Variants in IMMP2L observed in about 807,000 individuals in gnomAD.
IMMP2L encodes inner mitochondrial membrane peptidase subunit 2, also known as mitochondrial inner membrane protease subunit 2.
In IMMP2L, 18 loss-of-function variants were observed where a neutral mutation model predicts 19.3. That is an observed-to-expected ratio of 0.93 (90% CI 0.64 to 1.38). The LOEUF (loss-of-function observed/expected upper bound fraction) is 1.38. Ranked by LOEUF, IMMP2L falls within the 40% of genes most tolerant of loss-of-function variation. The pLI is 0.00. For missense variants in IMMP2L, 233 were observed against 218.2 expected (o/e 1.07, Z -0.43); for synonymous variants, 76 against 73.0 (o/e 1.04, Z -0.21).
intron 4 of IMMP2L, among the ~76,000 whole-genome samples, chr7:110,889,143 T>G (rs2129545819): frequency 6.6e-6 from 1 of 152,294 alleles, no homozygotes; most frequent in African/African-American, 2.4e-5. Context: ...GTCCCCAGCC[T>G]TTTAGGCAGT....
chr7:111,235,234 G>A (rs1814157391), intron 3 of IMMP2L, among the ~76,000 whole-genome samples: 1 of 152,060 alleles, frequency 6.6e-6, no homozygotes, highest in African/African-American at 2.4e-5. Context: ...CACTTTGGGA[G>A]GCTGAGGCAG....
chr7:111,253,651 G>A (rs1029237709), intron 3 of IMMP2L, among the ~76,000 whole-genome samples: 6 of 152,156 alleles, frequency 3.9e-5, no homozygotes, highest in African/African-American at 1.4e-4. Flanking sequence ...TAAGGTGTGT[G>A]TTGCAGAAAG....
chr7:110,957,442 C>T (rs1281777070), intron 4 of IMMP2L, among the ~76,000 whole-genome samples: 3 of 151,950 alleles, frequency 2.0e-5, no homozygotes, highest in Admixed American at 2.0e-4. Flanking sequence ...GAGAAAAACA[C>T]TTTGACCAGT....
intron 5 of IMMP2L, among the ~76,000 whole-genome samples, chr7:110,784,216 G>A (rs1403261273): frequency 2.0e-5 from 3 of 151,828 alleles, no homozygotes; most frequent in Non-Finnish European, 2.9e-5. Context: ...CAAAACCTAT[G>A]GACTTCTTCA....
chr7:111,328,845 A>G (rs1825597795), intron 3 of IMMP2L, among the ~76,000 whole-genome samples: 1 of 151,876 alleles, frequency 6.6e-6, no homozygotes, highest in African/African-American at 2.4e-5. Flanking sequence ...TCTCAGATAA[A>G]AAGACAGCAG....
intron 4 of IMMP2L, among the ~76,000 whole-genome samples, chr7:110,957,156 T>A (rs1818436703): frequency 1.3e-5 from 2 of 151,934 alleles, no homozygotes; most frequent in Admixed American, 1.3e-4. Flanking sequence ...TTTTAATCAA[T>A]GCTGACATCA....
chr7:111,108,442 A>G (rs1798795731), intron 3 of IMMP2L, among the ~76,000 whole-genome samples: 1 of 152,076 alleles, frequency 6.6e-6, no homozygotes, highest in Non-Finnish European at 1.5e-5. Context: ...TATATATTAT[A>G]CCCCCACTAC....
chr7:111,435,822 G>A (rs544128997), intron 3 of IMMP2L, among the ~76,000 whole-genome samples: 34 of 151,866 alleles, frequency 2.2e-4, no homozygotes, highest in African/African-American at 7.5e-4. Context: ...GATCCACCCC[G>A]GGCAACAGTT....
At chr7:111,383,965 T>C (rs1270983948) in intron 3 of IMMP2L, among the ~76,000 whole-genome samples, 13 of 152,078 alleles carry the variant, frequency 8.5e-5, no homozygotes, top group Admixed American at 8.5e-4. Flanking sequence ...ATTAAGCACT[T>C]GGTTATAATT....
chr7:111,148,413 G>A (rs1296948159), intron 3 of IMMP2L, among the ~76,000 whole-genome samples: 2 of 151,836 alleles, frequency 1.3e-5, no homozygotes, highest in Non-Finnish European at 2.9e-5. Context: ...TTGGGGATAA[G>A]GACAAATGTT....
rs543205272 is a variant in IMMP2L at position 111,444,078 on chromosome 7, T to C, written c.239+43160A>G. Among the ~76,000 whole-genome samples the C allele has an allele frequency of 2.6e-5, 4 of 152,280 alleles. No individual in the cohort carries two copies. In the South Asian group the frequency reaches 8.3e-4, roughly 32 times the overall value. ...AGTATCTTTAAATGTTGTGTTTCTA[T>C]TTTTAAAAAATCACTTTGTCACTTG... On this transcript the variant is annotated intron_variant, in intron 3 of 5. Coordinates refer to ENST00000405709, the MANE Select transcript of IMMP2L (RefSeq NM_032549.4).
chr7:110,983,987 T>C (rs1183128352), intron 3 of IMMP2L, among the ~76,000 whole-genome samples: 1 of 152,072 alleles, frequency 6.6e-6, no homozygotes, highest in African/African-American at 2.4e-5. Flanking sequence ...AGTCATTACA[T>C]GTCTGAGTAA....
rs28520723 is a variant in IMMP2L at position 111,131,950 on chromosome 7, A to C, written c.240-168385T>G. Among the ~76,000 whole-genome samples, 1,435 of 152,046 alleles carry C rather than the reference A, an allele frequency of 9.4e-3. 22 individuals carry two copies. Among genetic ancestry groups the C allele is most frequent in the African/African-American group, 0.032 (1,330 of 41,546 alleles). On this transcript the variant is annotated intron_variant, in intron 3 of 5. Transcript: ENST00000405709. The stretch of plus-strand genomic sequence containing the variant: ...ACTTTATAAGCATGCCATAACTCAC[A>C]ACAATAACTAATAGGTGATTTTTTG...
At chr7:111,051,616 A>G (rs1793014301) in intron 3 of IMMP2L, among the ~76,000 whole-genome samples, 1 of 152,214 alleles carries the variant, frequency 6.6e-6, no homozygotes, top group Admixed American at 6.5e-5. Context: ...ATATTTGAGA[A>G]ATGTCTACCT....
At chr7:111,530,799 G>A (rs1485736302) in intron 1 of IMMP2L, among the ~76,000 whole-genome samples, 1 of 151,642 alleles carries the variant, frequency 6.6e-6, no homozygotes, top group African/African-American at 2.4e-5. Context: ...TCAAAACTTT[G>A]GAAATAAAAG....
intron 3 of IMMP2L, among the ~76,000 whole-genome samples, chr7:111,444,626 C>T (rs1838113598): frequency 6.6e-6 from 1 of 152,098 alleles, no homozygotes; most frequent in African/African-American, 2.4e-5. Context: ...ATCGCTTCTA[C>T]TGCTACATCT....
chr7:111,256,706 T>C (rs1316307316), intron 3 of IMMP2L, among the ~76,000 whole-genome samples: 2 of 152,050 alleles, frequency 1.3e-5, no homozygotes, highest in Non-Finnish European at 2.9e-5. Flanking sequence ...AATCATAAGA[T>C]TGAGTACCCC....
chr7:110,974,395 A>G lies in IMMP2L; in HGVS notation c.240-10830T>C, dbSNP rs146002841. ...ACCATGCTTTGGAATGACCACATGG[A>G]TAGATATTTTGATTTACATAACAGT... On this transcript the variant is annotated intron_variant, in intron 3 of 5. Transcript: ENST00000405709. Among the ~76,000 whole-genome samples, 315 of 152,270 alleles carry G rather than the reference A, an allele frequency of 2.1e-3. 2 individuals are homozygous for G. Among genetic ancestry groups the G allele is most frequent in the African/African-American group, 7.3e-3 (302 of 41,572 alleles).
intron 3 of IMMP2L, among the ~76,000 whole-genome samples, chr7:111,048,258 A>AAAAG (rs1792634469): frequency 2.7e-5 from 4 of 148,920 alleles, no homozygotes; most frequent in African/African-American, 1.0e-4. Context: ...AAAAAAAAAA[A>AAAAG]AAAAAAAGAA....
Sources: allele counts gnomAD v4.1 joint callset (sites outside exome capture counted in the v4.1 genomes callset), GRCh38; gene constraint gnomAD v4.1.1; transcripts MANE v1.5; gene names NCBI Gene and HGNC (gene_info 2026-07-23, HGNC 2026-07-21).